Variants in KIF13A observed in about 807,000 individuals in gnomAD.
KIF13A encodes kinesin family member 13A, also known as kinesin-like protein KIF13A.
KIF13A carries 79 observed loss-of-function variants against 212.2 expected under a neutral mutation model. The observed-to-expected ratio is 0.37, with a 90% confidence interval of 0.31 to 0.45. The LOEUF is 0.45. KIF13A is among the 20% of genes least tolerant of loss of function. The pLI is 1.00. For missense variants in KIF13A, 1,901 were observed against 2,209.0 expected (o/e 0.86, Z 2.79); for synonymous variants, 789 against 808.6 (o/e 0.98, Z 0.41).
Position 17,969,093 on chromosome 6 carries a change from T to G in KIF13A, c.146+17961A>C, listed in dbSNP as rs560938409. Among the ~76,000 whole-genome samples, 299 of 152,352 alleles carry G rather than the reference T, an allele frequency of 2.0e-3. 2 individuals are homozygous for G. Among genetic ancestry groups the G allele is most frequent in the African/African-American group, 6.4e-3 (266 of 41,592 alleles). Reference sequence around the variant, plus strand: ...ACAGGAAATGAAACATCCAAGGCACTTACTATGTACAAGGCATGTGCCAGC... The same window carrying G: ...ACAGGAAATGAAACATCCAAGGCACGTACTATGTACAAGGCATGTGCCAGC... On this transcript the variant is annotated intron_variant, in intron 2 of 38. Coordinates refer to ENST00000259711, the MANE Select transcript of KIF13A (RefSeq NM_022113.6).
Position 17,775,047 on chromosome 6 carries a change from G to A in KIF13A, c.4186C>T (p.Pro1396Ser). ...TCTTCATCAAAGCCAGAAAGGTCCG[G>A]TCGGCTGGAAGAGACCTATAAGAGA... ...PNVHNVSSSR[P>S]DLSGFDEDDK... Residue 1396 changes from proline (P) to serine (S), a missense_variant, in exon 35 of 39, where the codon CCG becomes TCG. This residue lies in a region of KIF13A where 687 missense variants were observed against 759.1 expected (regional missense o/e 0.90). Coordinates refer to ENST00000259711, the MANE Select transcript of KIF13A (RefSeq NM_022113.6). The A allele has an allele frequency of 1.2e-6, 2 of 1,612,036 alleles. No homozygotes were observed. Among genetic ancestry groups the A allele is most frequent in the Non-Finnish European group, 1.7e-6 (2 of 1,178,996 alleles).
intron 2 of KIF13A, among the ~76,000 whole-genome samples, chr6:17,979,323 A>C (rs918687493): frequency 5.9e-5 from 9 of 152,218 alleles, no homozygotes; most frequent in African/African-American, 2.2e-4. Context: ...TTGTATTAAC[A>C]AACTATCCTT....
At chr6:17,905,457 A>G (rs1219800508) in intron 2 of KIF13A, among the ~76,000 whole-genome samples, 1 of 152,228 alleles carries the variant, frequency 6.6e-6, no homozygotes, top group African/African-American at 2.4e-5. Flanking sequence ...AGGAATGAAG[A>G]GCTATGTTCA....
intron 12 of KIF13A, among the ~76,000 whole-genome samples, chr6:17,832,942 A>T (rs1235895827): frequency 7.3e-6 from 1 of 136,810 alleles, no homozygotes; most frequent in African/African-American, 2.8e-5. Flanking sequence ...TGTACCCAGG[A>T]GGCGGAGGTT....
intron 32 of KIF13A, 65 bp from the exon 33 acceptor site, chr6:17,779,164 G>A (rs940900866): frequency 7.0e-7 from 1 of 1,422,516 alleles, no homozygotes; most frequent in African/African-American, 1.4e-5. Flanking sequence ...AAAGTGTGGT[G>A]AGAAAACGTT....
intron 18 of KIF13A, among the ~76,000 whole-genome samples, chr6:17,806,749 C>T (rs540659517): frequency 6.6e-6 from 1 of 152,224 alleles, no homozygotes; most frequent in South Asian, 2.1e-4. Context: ...TGTGGTGGCG[C>T]ATGCCTGTAA....
Position 17,800,019 on chromosome 6 carries a change from C to T in KIF13A, c.2549G>A (p.Ser850Asn). 1.2e-6 allele frequency: 2 copies of T among 1,614,042 alleles called. No individual in the cohort carries two copies. Among genetic ancestry groups the T allele is most frequent in the Non-Finnish European group, 1.7e-6 (2 of 1,179,904 alleles). ...EDDSSENSSE[S>N]GSLEVVDSSG... Reference sequence around the variant, plus strand: ...GCTGTCTACGACTTCAAGGCTCCCACTTTCACTGGAATTCTCCGAAGAGTC... The same window carrying T: ...GCTGTCTACGACTTCAAGGCTCCCATTTTCACTGGAATTCTCCGAAGAGTC... Residue 850 changes from serine to asparagine, a missense_variant, in exon 21 of 39, where the codon AGT becomes AAT. By Grantham distance (46) the Ser-to-Asn change is conservative (BLOSUM62 1). Around this residue, in one of 5 missense-constraint regions of KIF13A, gnomAD observed 534 missense variants for 536.9 expected, o/e 0.99. Transcript: ENST00000259711.
intron 2 of KIF13A, among the ~76,000 whole-genome samples, chr6:17,945,963 T>C (rs571750452): frequency 1.9e-4 from 29 of 152,322 alleles, no homozygotes; most frequent in Admixed American, 3.3e-4. Context: ...TAATAGGTTA[T>C]CTTGATGGGG....
chr6:17,909,935 T>C (rs1266455069), intron 2 of KIF13A, among the ~76,000 whole-genome samples: 2 of 152,196 alleles, frequency 1.3e-5, no homozygotes, highest in Non-Finnish European at 2.9e-5. Context: ...GAAAGAATTA[T>C]ATAAATATGT....
rs754613206 is a variant in KIF13A at position 17,789,869 on chromosome 6, T to C, written c.3261+3A>G. The C allele has an allele frequency of 1.9e-6, 3 of 1,611,576 alleles. No homozygotes were observed. The highest frequency in any genetic ancestry group is 2.5e-6 in the Non-Finnish European group (3 of 1,178,002). On this transcript the variant is annotated splice_donor_region_variant and intron_variant, in intron 26 of 38. Transcript: ENST00000259711. The surrounding 1 kb of genome is among the most constrained non-coding windows in gnomAD (Gnocchi z 4.8). ...GCCACAGGATTGACAGCAGTAGCAA[T>C]ACCTGATAACTATCCATATCATCAC...
chr6:17,938,819 AT>A (rs5874617), intron 2 of KIF13A, among the ~76,000 whole-genome samples: 99,289 of 139,900 alleles, frequency 0.71, 35,255 homozygotes, highest in South Asian at 0.8. Context: ...CTTAGAGTGA[AT>A]TTTTTTTTTT....
chr6:17,779,133 A>G (rs765483575), intron 32 of KIF13A, 34 bp from the exon 33 acceptor site: 11 of 1,597,114 alleles, frequency 6.9e-6, no homozygotes, highest in South Asian at 2.2e-5. Flanking sequence ...CAATACTTTG[A>G]TGTGAACAAC....
Position 17,888,469 on chromosome 6 carries a change from G to A in KIF13A, c.159+9699C>T, listed in dbSNP as rs79798007. ...CATGGGTTTGATCTGAAACAGAGCT[G>A]TCCCATAGAAATATAATGCTAGCCA... On this transcript the variant is annotated intron_variant, in intron 3 of 38. Coordinates refer to ENST00000259711, the MANE Select transcript of KIF13A (RefSeq NM_022113.6). The surrounding 1 kb of genome is among the most constrained non-coding windows in gnomAD (Gnocchi z 4.8). Among the ~76,000 whole-genome samples, 853 of 152,274 alleles carry A rather than the reference G, an allele frequency of 5.6e-3. 13 individuals carry two copies. The highest frequency in any genetic ancestry group is 0.019 in the African/African-American group (787 of 41,554).
chr6:17,796,825 G>T lies in KIF13A; in HGVS notation c.2791-5C>A. ...TGTTACATTCACCACATAGTCCTGG[G>T]ATAAGTGGGGGAAAGCAAAAGAATT... On this transcript the variant is annotated splice_polypyrimidine_tract_variant and splice_region_variant and intron_variant, in intron 22 of 38. Coordinates refer to ENST00000259711, the MANE Select transcript of KIF13A (RefSeq NM_022113.6). The T allele has an allele frequency of 6.7e-7, 1 of 1,491,202 alleles. No homozygotes were observed. Among genetic ancestry groups the T allele is most frequent in the South Asian group, 1.3e-5 (1 of 74,502 alleles). The allele number at this position is 1,491,202 out of a possible 1,614,324, so 92.4% of individuals were successfully genotyped here. A position where few individuals can be genotyped will look rare whatever the true frequency, so the allele number is the denominator to read the frequency against.
chr6:17,793,706 A>C (rs540648652), intron 25 of KIF13A, among the ~76,000 whole-genome samples: 13 of 151,638 alleles, frequency 8.6e-5, no homozygotes, highest in African/African-American at 2.9e-4. Context: ...TGAGTCCAGG[A>C]ATTTGAGACC....
intron 2 of KIF13A, among the ~76,000 whole-genome samples, chr6:17,916,667 A>C (rs933286942): frequency 6.6e-6 from 1 of 152,236 alleles, no homozygotes; most frequent in Non-Finnish European, 1.5e-5. Flanking sequence ...TCAGAATAAC[A>C]CAGTCTCCTC....
chr6:17,898,173 G>A lies in KIF13A; in HGVS notation c.154C>T (p.Pro52Ser), dbSNP rs1472518432. ...AATTTCATATTAGTGCTTACCTTGG[G>A]AGGTTTCCTTAATGATGGGAAAAAA... ...SNTKQGERKP[P>S]KVFAFDYCFW... The change falls in exon 3 of 39, where the codon CCC (proline) becomes TCC (serine). Residue 52 changes from proline (P) to serine (S), a missense_variant. Physicochemically the swap from Pro to Ser is moderately conservative, Grantham distance 74. This residue lies in a region of KIF13A where 506 missense variants were observed against 637.4 expected (regional missense o/e 0.79). Coordinates refer to ENST00000259711, the MANE Select transcript of KIF13A (RefSeq NM_022113.6). This position sits in a 1 kb window ranked among gnomAD's most constrained non-coding sequence, Gnocchi z 5.2. The A allele has an allele frequency of 6.2e-7, 1 of 1,612,882 alleles. No homozygotes were observed. Among genetic ancestry groups the A allele is most frequent in the African/African-American group, 1.3e-5 (1 of 74,938 alleles).
rs1397347222 is a variant in KIF13A, at chr6:17,911,488, T to G, written c.147-13308A>C. Among the ~76,000 whole-genome samples the G allele has an allele frequency of 3.9e-5, 6 of 152,220 alleles. No individual in the cohort carries two copies. In the East Asian group the frequency reaches 1.2e-3, roughly 29 times the overall value. On this transcript the variant is annotated intron_variant, in intron 2 of 38. Transcript: ENST00000259711. Reference sequence around the variant, plus strand: ...AAAAACTTTGTTGGATAAAAACACTTTTTTAAAATAAAAGAAATTTAATGT... The same window carrying G: ...AAAAACTTTGTTGGATAAAAACACTGTTTTAAAATAAAAGAAATTTAATGT...
At chr6:17,889,935 G>C (rs113945403) in intron 3 of KIF13A, among the ~76,000 whole-genome samples, 1 of 152,054 alleles carries the variant, frequency 6.6e-6, no homozygotes, top group African/African-American at 2.4e-5. Flanking sequence ...ACCCGAGGTC[G>C]AGAGTTTGAG....
Sources: allele counts gnomAD v4.1 joint callset (sites outside exome capture counted in the v4.1 genomes callset), GRCh38; gene constraint gnomAD v4.1.1; regional missense constraint gnomAD v4.1.1; non-coding constraint Gnocchi (gnomAD v3.1); transcripts MANE v1.5; gene names NCBI Gene and HGNC (gene_info 2026-07-23, HGNC 2026-07-21).